PXDNL: variants seen among roughly 807,000 people sequenced by gnomAD.
PXDNL encodes peroxidasin like, also known as probable oxidoreductase PXDNL.
PXDNL carries 145 observed loss-of-function variants against 150.8 expected under a neutral mutation model. The ratio of observed to expected loss-of-function variants is 0.96; its 90% CI spans 0.84 to 1.10. The LOEUF (loss-of-function observed/expected upper bound fraction) is 1.10, where lower values mean the gene tolerates loss of function less well. PXDNL is among the 50% of genes least tolerant of loss of function. The pLI is 0.00. For missense variants in PXDNL, 2,087 were observed against 1,873.9 expected (o/e 1.11, Z -2.10); for synonymous variants, 757 against 725.7 (o/e 1.04, Z -0.69).
intron 3 of PXDNL, among the ~76,000 whole-genome samples, chr8:51,559,342 C>CT (rs942460284): frequency 7.1e-6 from 1 of 141,518 alleles, no homozygotes; most frequent in Non-Finnish European, 1.6e-5. Flanking sequence ...CCCCCCCCCC[C>CT]CCGCCACCTT....
At chr8:51,796,389 G>T (rs2037560879) in intron 1 of PXDNL, among the ~76,000 whole-genome samples, 1 of 148,606 alleles carries the variant, frequency 6.7e-6, no homozygotes, top group Admixed American at 6.7e-5. Flanking sequence ...TACACGAGCT[G>T]GTGTTTTGAA....
chr8:51,633,747 T>G (rs1585634825), intron 2 of PXDNL, among the ~76,000 whole-genome samples: 2 of 152,192 alleles, frequency 1.3e-5, no homozygotes, highest in East Asian at 3.9e-4. Context: ...CGTGGAGCAT[T>G]TTTTCATATG....
chr8:51,321,625 G>T (rs943847318), intron 21 of PXDNL, among the ~76,000 whole-genome samples: 2 of 151,932 alleles, frequency 1.3e-5, no homozygotes, highest in East Asian at 1.9e-4. Flanking sequence ...TCCCCCATTT[G>T]CTCTCTCTCT....
At chr8:51,554,543 T>C (rs1259107831) in intron 4 of PXDNL, among the ~76,000 whole-genome samples, 1 of 152,226 alleles carries the variant, frequency 6.6e-6, no homozygotes, top group African/African-American at 2.4e-5. Flanking sequence ...AAATCATTCA[T>C]CTCTTCCTAC....
intron 9 of PXDNL, among the ~76,000 whole-genome samples, chr8:51,455,789 G>A (rs1430768087): frequency 6.6e-6 from 1 of 152,130 alleles, no homozygotes; most frequent in Non-Finnish European, 1.5e-5. Context: ...CACTTTGGGA[G>A]GCCTAGGCAG....
At chr8:51,553,942 T>A (rs1051975641) in intron 4 of PXDNL, among the ~76,000 whole-genome samples, 16 of 152,150 alleles carry the variant, frequency 1.1e-4, no homozygotes, top group African/African-American at 3.9e-4. Context: ...TGTGAGGAGT[T>A]TATACATCCA....
At chr8:51,386,023 CA>C (rs1213295126) in intron 17 of PXDNL, among the ~76,000 whole-genome samples, 3 of 152,108 alleles carry the variant, frequency 2.0e-5, no homozygotes, top group Non-Finnish European at 4.4e-5. Context: ...GATATAAAAG[CA>C]GATAACGAAT....
At position 51,526,694 on chromosome 8, in the gene PXDNL, G is replaced by GTGATT. The variant is rs1370802047; in HGVS notation, c.381-26925_381-26924insAATCA. On this transcript the variant is annotated intron_variant, in intron 4 of 22. Transcript: ENST00000356297. The stretch of plus-strand genomic sequence containing the variant: ...GTTCTTTCCTAACATGTGATGTGAT[G>GTGATT]TGAGGGGCATTTGGCATGGAGTGGG... 7.4e-4 allele frequency among the ~76,000 whole-genome samples: 113 copies of GTGATT among 152,310 alleles called. 1 individual carries two copies. The highest frequency in any genetic ancestry group is 2.4e-3 in the African/African-American group (100 of 41,562).
intron 2 of PXDNL, among the ~76,000 whole-genome samples, chr8:51,618,803 T>C (rs1434767678): frequency 6.6e-6 from 1 of 152,174 alleles, no homozygotes; most frequent in Non-Finnish European, 1.5e-5. Context: ...ACACCTTCCT[T>C]CCCTTGTACA....
chr8:51,486,780 A>G (rs1585514890), intron 5 of PXDNL, among the ~76,000 whole-genome samples: 3 of 17,798 alleles, frequency 1.7e-4, no homozygotes, highest in Admixed American at 1.1e-3. Flanking sequence ...ATATATATAT[A>G]TATATATATA....
chr8:51,739,465 A>G (rs918778156), intron 1 of PXDNL, among the ~76,000 whole-genome samples: 7 of 152,214 alleles, frequency 4.6e-5, no homozygotes, highest in Non-Finnish European at 8.8e-5. Context: ...GAAAGAAAAA[A>G]TAAAACTGTT....
chr8:51,353,783 T>C (rs368653577), intron 19 of PXDNL, among the ~76,000 whole-genome samples: 43 of 152,304 alleles, frequency 2.8e-4, no homozygotes, highest in African/African-American at 9.1e-4. Context: ...GCTAAGCTAT[T>C]TCAAAATTGA....
intron 3 of PXDNL, among the ~76,000 whole-genome samples, chr8:51,561,910 G>T (rs145925873): frequency 6.6e-6 from 1 of 151,680 alleles, no homozygotes; most frequent in Non-Finnish European, 1.5e-5. Context: ...ATGTTAAACC[G>T]ACATAAAATC....
At chr8:51,620,289 T>C (rs1814223308) in intron 2 of PXDNL, among the ~76,000 whole-genome samples, 1 of 152,152 alleles carries the variant, frequency 6.6e-6, no homozygotes, top group Admixed American at 6.5e-5. Context: ...TTTGAAGGTT[T>C]CACGAATGCC....
At chr8:51,360,537 A>C (rs951167926) in intron 19 of PXDNL, among the ~76,000 whole-genome samples, 2 of 152,248 alleles carry the variant, frequency 1.3e-5, no homozygotes, top group African/African-American at 4.8e-5. Flanking sequence ...ATATGTGTAC[A>C]CACTCATGCA....
intron 2 of PXDNL, among the ~76,000 whole-genome samples, chr8:51,639,766 C>T (rs1814700268): frequency 6.6e-6 from 1 of 152,182 alleles, no homozygotes; most frequent in East Asian, 1.9e-4. Flanking sequence ...CCGAATTCTA[C>T]CAGAGGTACA....
At chr8:51,726,755 A>G (rs987506432) in intron 1 of PXDNL, among the ~76,000 whole-genome samples, 1 of 66,340 alleles carries the variant, frequency 1.5e-5, no homozygotes, top group Non-Finnish European at 3.1e-5. Flanking sequence ...TTTTCATTAC[A>G]TTGAGCCACT....
intron 2 of PXDNL, among the ~76,000 whole-genome samples, chr8:51,646,521 T>C (rs559876623): frequency 3.7e-4 from 57 of 152,288 alleles, no homozygotes; most frequent in African/African-American, 1.3e-3. Flanking sequence ...AAACAAGCAC[T>C]GAAGAATACC....
At chr8:51,770,869 C>T (rs1246958349) in intron 1 of PXDNL, among the ~76,000 whole-genome samples, 2 of 152,208 alleles carry the variant, frequency 1.3e-5, no homozygotes, top group Non-Finnish European at 2.9e-5. Flanking sequence ...GGGAGAGCAG[C>T]TCTTCATGTA....
Sources: gnomAD v4.1 joint callset for allele counts (sites outside exome capture counted in the v4.1 genomes callset) on GRCh38, gnomAD v4.1.1 for gene constraint, MANE v1.5 for transcripts, NCBI Gene and HGNC (gene_info 2026-07-23, HGNC 2026-07-21) for gene names.